Variants in QTMAN observed in about 807,000 individuals in gnomAD.
QTMAN encodes the protein queuosine-tRNA mannosyltransferase.
the QTMAN span, among the ~76,000 whole-genome samples, chr2:144,135,317 C>T: frequency 6.6e-6 from 1 of 152,234 alleles, no homozygotes; most frequent in East Asian, 1.9e-4. Flanking sequence ...ATGTGATGGG[C>T]TGGGCACTGC....
the QTMAN span, among the ~76,000 whole-genome samples, chr2:143,996,019 ACC>A: frequency 6.6e-6 from 1 of 152,092 alleles, no homozygotes; most frequent in African/African-American, 2.4e-5. Context: ...CACTGCTACT[ACC>A]CCAGTCAAAC....
the QTMAN span, among the ~76,000 whole-genome samples, chr2:144,010,689 G>A: frequency 6.6e-6 from 1 of 151,914 alleles, no homozygotes; most frequent in Non-Finnish European, 1.5e-5. Flanking sequence ...ATTAGAGAGT[G>A]TTTAGAAGAG....
At chr2:144,170,189 T>TA in the QTMAN span, among the ~76,000 whole-genome samples, 1 of 152,230 alleles carries the variant, frequency 6.6e-6, no homozygotes, top group Non-Finnish European at 1.5e-5. Flanking sequence ...CCAGTGGTGT[T>TA]ACTTTCCAAT....
chr2:144,222,211 C>T, the QTMAN span, among the ~76,000 whole-genome samples: 1 of 151,842 alleles, frequency 6.6e-6, no homozygotes, highest in East Asian at 2.0e-4. Flanking sequence ...AGGCGCCCGC[C>T]ACCACGCCCG....
the QTMAN span, among the ~76,000 whole-genome samples, chr2:144,106,613 T>G: frequency 1.3e-5 from 2 of 152,158 alleles, no homozygotes; most frequent in East Asian, 3.8e-4. Flanking sequence ...AAGCAAATCC[T>G]TACAGACCTA....
At chr2:144,263,917 CAATT>C in the QTMAN span, among the ~76,000 whole-genome samples, 3 of 151,794 alleles carry the variant, frequency 2.0e-5, no homozygotes, top group East Asian at 3.9e-4. Flanking sequence ...AGATACATGA[CAATT>C]AATTAATGGG....
At chr2:144,218,543 C>T in the QTMAN span, among the ~76,000 whole-genome samples, 2 of 152,090 alleles carry the variant, frequency 1.3e-5, no homozygotes, top group South Asian at 2.1e-4. Flanking sequence ...AATATACACA[C>T]CAAATGAGTT....
chr2:144,306,532 G>C, the QTMAN span, among the ~76,000 whole-genome samples: 1 of 152,146 alleles, frequency 6.6e-6, no homozygotes, highest in South Asian at 2.1e-4. Flanking sequence ...TCTTCTAAGA[G>C]GGCCCCACCC....
chr2:144,139,596 C>A, the QTMAN span, among the ~76,000 whole-genome samples: 3 of 151,982 alleles, frequency 2.0e-5, no homozygotes, highest in Non-Finnish European at 2.9e-5. Flanking sequence ...CCAAAATATT[C>A]AATACATATA....
At chr2:144,028,178 C>G in the QTMAN span, among the ~76,000 whole-genome samples, 1 of 152,174 alleles carries the variant, frequency 6.6e-6, no homozygotes, top group Non-Finnish European at 1.5e-5. Context: ...CCACACCACT[C>G]TGCTCTGATT....
chr2:143,977,932 C>G, the QTMAN span, among the ~76,000 whole-genome samples: 1 of 152,122 alleles, frequency 6.6e-6, no homozygotes, highest in Admixed American at 6.6e-5. Flanking sequence ...TTCCTAAAGT[C>G]TGTGATCCTA....
chr2:144,327,208 G>T, the QTMAN span, among the ~76,000 whole-genome samples: 1 of 152,158 alleles, frequency 6.6e-6, no homozygotes, highest in East Asian at 1.9e-4. Context: ...TGCACTCAGA[G>T]ATCACATGGA....
the QTMAN span, among the ~76,000 whole-genome samples, chr2:143,992,770 T>A: frequency 5.4e-3 from 820 of 152,158 alleles, 6 homozygotes; most frequent in Middle Eastern, 0.01. Context: ...GAGGCAATCA[T>A]AACCAAAGAA....
chr2:144,298,755 C>T, the QTMAN span, among the ~76,000 whole-genome samples: 1 of 152,182 alleles, frequency 6.6e-6, no homozygotes, highest in Non-Finnish European at 1.5e-5. Context: ...TGATTGCTAT[C>T]TGTAGCAAAA....
At chr2:144,242,870 G>A in the QTMAN span, among the ~76,000 whole-genome samples, 16 of 147,006 alleles carry the variant, frequency 1.1e-4, no homozygotes, top group African/African-American at 3.8e-4. Context: ...GCTGAGACAT[G>A]AGAATCACCT....
the QTMAN span, among the ~76,000 whole-genome samples, chr2:144,151,372 A>T: frequency 6.6e-6 from 1 of 151,896 alleles, no homozygotes; most frequent in Non-Finnish European, 1.5e-5. Context: ...AATCTCTTAT[A>T]TTTCTTTTGT....
At chr2:144,010,062 CAAA>C in the QTMAN span, among the ~76,000 whole-genome samples, 8 of 74,860 alleles carry the variant, frequency 1.1e-4, no homozygotes, top group Non-Finnish European at 1.5e-4. Flanking sequence ...AAGGATTCAC[CAAA>C]AAAAAAAAAA....
the QTMAN span, among the ~76,000 whole-genome samples, chr2:144,015,325 G>C: frequency 7.9e-5 from 12 of 152,236 alleles, no homozygotes; most frequent in East Asian, 2.3e-3. Context: ...AGAGCCCTAG[G>C]CTAAACTGAA....
At chr2:144,061,290 A>G in the QTMAN span, among the ~76,000 whole-genome samples, 6 of 152,184 alleles carry the variant, frequency 3.9e-5, no homozygotes, top group Admixed American at 6.5e-5. Flanking sequence ...TAAGATTTCC[A>G]TCAATGTATG....
Sources: gnomAD v4.1 joint callset for allele counts (sites outside exome capture counted in the v4.1 genomes callset) on GRCh38, gnomAD v4.1.1 for gene constraint, MANE v1.5 for transcripts, NCBI Gene and HGNC (gene_info 2026-07-23, HGNC 2026-07-21) for gene names.